Variants in CCDC7 observed in about 807,000 individuals in gnomAD.
CCDC7 encodes the protein coiled-coil domain containing 7, also known as coiled-coil domain-containing protein 7.
Under a neutral mutation model 196.9 loss-of-function variants are expected in CCDC7, and 183 were observed. The ratio of observed to expected loss-of-function variants is 0.93; its 90% confidence interval spans 0.82 to 1.05. The LOEUF (loss-of-function observed/expected upper bound fraction) is 1.05, where lower values mean the gene tolerates loss of function less well. Among genes scored for constraint, CCDC7 ranks in the 50% least tolerant of loss-of-function variants. The pLI is 0.00. For missense variants in CCDC7, 1,540 were observed against 1,482.2 expected, an observed-to-expected ratio of 1.04 and a Z score of -0.64; for synonymous variants, 525 against 484.6, an observed-to-expected ratio of 1.08 and a Z score of -1.10.
chr10:32,587,262 T>A (rs545736511), intron 18 of CCDC7, among the ~76,000 whole-genome samples: 133 of 152,136 alleles, frequency 8.7e-4, no homozygotes, highest in Non-Finnish European at 9.1e-4. Flanking sequence ...TACCACAGAC[T>A]GGCTAATATA....
chr10:32,665,055 A>G (rs115981285), intron 21 of CCDC7, among the ~76,000 whole-genome samples: 5,189 of 152,012 alleles, frequency 0.034, 301 homozygotes, highest in African/African-American at 0.12. Context: ...CATGTCCCTG[A>G]TGATTAGTGA....
At chr10:32,706,727 G>T (rs1172434116) in intron 24 of CCDC7, among the ~76,000 whole-genome samples, 4 of 152,120 alleles carry the variant, frequency 2.6e-5, no homozygotes, top group Non-Finnish European at 5.9e-5. Context: ...TAGAAGAAAT[G>T]GATAAATTCC....
At chr10:32,461,101 G>GTAA (rs1432669107) in intron 3 of CCDC7, among the ~76,000 whole-genome samples, 1 of 152,090 alleles carries the variant, frequency 6.6e-6, no homozygotes, top group Non-Finnish European at 1.5e-5. Flanking sequence ...TGTAGCAAAT[G>GTAA]TAATCACTTT....
At chr10:32,500,393 C>A (rs1173402740) in intron 9 of CCDC7, among the ~76,000 whole-genome samples, 1 of 150,456 alleles carries the variant, frequency 6.6e-6, no homozygotes, top group Non-Finnish European at 1.5e-5. Context: ...CAGAGACACT[C>A]CTCAGATCCC....
chr10:32,700,473 T>G (rs576699770), intron 24 of CCDC7, among the ~76,000 whole-genome samples: 5,374 of 147,944 alleles, frequency 0.036, 510 homozygotes, highest in African/African-American at 0.13. Context: ...TAGTATAGTT[T>G]GAAGTCAGGT....
At chr10:32,734,580 G>GA (rs2084541069) in intron 28 of CCDC7, among the ~76,000 whole-genome samples, 1 of 152,034 alleles carries the variant, frequency 6.6e-6, no homozygotes, top group African/African-American at 2.4e-5. Flanking sequence ...AGATACCCCC[G>GA]AACCTAAAAT....
At chr10:32,579,797 CTA>C (rs775459741) in intron 16 of CCDC7, among the ~76,000 whole-genome samples, 8 of 152,000 alleles carry the variant, frequency 5.3e-5, no homozygotes, top group Non-Finnish European at 7.4e-5. Context: ...GTTTTTAAGA[CTA>C]TATACGATAT....
chr10:32,522,880 GA>G (rs1181094540), intron 11 of CCDC7, among the ~76,000 whole-genome samples: 1 of 151,934 alleles, frequency 6.6e-6, no homozygotes, highest in Admixed American at 6.6e-5. Flanking sequence ...TTTCTTTCAT[GA>G]ATTTTTTCAG....
chr10:32,837,524 T>G (rs2136022890), intron 33 of CCDC7, among the ~76,000 whole-genome samples: 1 of 152,314 alleles, frequency 6.6e-6, no homozygotes, highest in African/African-American at 2.4e-5. Flanking sequence ...TGGTGATTCC[T>G]CAGGGATCTA....
chr10:32,680,879 A>T (rs1169546039), intron 21 of CCDC7, among the ~76,000 whole-genome samples: 1 of 152,202 alleles, frequency 6.6e-6, no homozygotes, highest in Non-Finnish European at 1.5e-5. Context: ...GAAAACTGAG[A>T]GAATTTGGGG....
exon 39 of CCDC7, chr10:32,848,613 A>G: frequency 6.7e-7 from 1 of 1,499,206 alleles, no homozygotes; most frequent in Non-Finnish European, 9.3e-7. Context: ...CTTATTTAAA[A>G]ACAAAGATAT....
chr10:32,511,790 C>A, intron 9 of CCDC7: 2 of 1,302,170 alleles, frequency 1.5e-6, no homozygotes, highest in East Asian at 2.4e-5. Context: ...AGCGGTCGGG[C>A]AACGATGACG....
At chr10:32,714,768 C>T (rs1206528357) in intron 25 of CCDC7, among the ~76,000 whole-genome samples, 1 of 152,142 alleles carries the variant, frequency 6.6e-6, no homozygotes, top group African/African-American at 2.4e-5. Context: ...ACAGTGTAAA[C>T]AAAGCTGCTG....
At chr10:32,720,384 G>A (rs1451464283) in intron 25 of CCDC7, among the ~76,000 whole-genome samples, 1 of 151,944 alleles carries the variant, frequency 6.6e-6, no homozygotes, top group Non-Finnish European at 1.5e-5. Flanking sequence ...AGAACATATG[G>A]GCACAGGGAG....
intron 18 of CCDC7, among the ~76,000 whole-genome samples, chr10:32,589,562 T>C (rs2059594953): frequency 6.6e-6 from 1 of 152,138 alleles, no homozygotes; most frequent in South Asian, 2.1e-4. Flanking sequence ...TCTGTAAATA[T>C]CTATTTGGTT....
At chr10:32,556,400 C>T (rs527481645) in intron 13 of CCDC7, among the ~76,000 whole-genome samples, 6 of 152,166 alleles carry the variant, frequency 3.9e-5, no homozygotes, top group Non-Finnish European at 8.8e-5. Context: ...GGTACCTAGA[C>T]TCCTTACTTC....
At chr10:32,802,506 T>C (rs2085001921) in intron 29 of CCDC7, among the ~76,000 whole-genome samples, 1 of 152,150 alleles carries the variant, frequency 6.6e-6, no homozygotes, top group Admixed American at 6.5e-5. Flanking sequence ...ATTCTGTTCC[T>C]CTAGAACCAC....
intron 28 of CCDC7, among the ~76,000 whole-genome samples, chr10:32,761,028 A>G (rs2077387597): frequency 6.6e-6 from 1 of 152,038 alleles, no homozygotes; most frequent in African/African-American, 2.4e-5. Flanking sequence ...AATGTAACGT[A>G]TGAATTCAGA....
At chr10:32,534,259 T>C (rs1263762039) in intron 11 of CCDC7, among the ~76,000 whole-genome samples, 1 of 152,176 alleles carries the variant, frequency 6.6e-6, no homozygotes, top group Non-Finnish European at 1.5e-5. Flanking sequence ...TTTTAAAAAA[T>C]TATTTTAAAC....
Sources: gnomAD v4.1 joint callset for allele counts (sites outside exome capture counted in the v4.1 genomes callset) on GRCh38, gnomAD v4.1.1 for gene constraint, MANE v1.5 for transcripts, NCBI Gene and HGNC (gene_info 2026-07-23, HGNC 2026-07-21) for gene names.